UNC5D: variants seen among roughly 807,000 people sequenced by gnomAD.
The protein encoded by UNC5D is unc-5 netrin receptor D.
Under a neutral mutation model 105.4 loss-of-function variants are expected in UNC5D, and 39 were observed. The ratio of observed to expected loss-of-function variants is 0.37; its 90% confidence interval spans 0.29 to 0.48. UNC5D has a LOEUF of 0.48. Ranked by LOEUF, UNC5D falls within the 20% of genes least tolerant of loss-of-function variation. The pLI is 0.98. For synonymous variants in UNC5D, 452 were observed against 450.4 expected (o/e 1.00, Z -0.04); for missense variants, 991 against 1,202.4 (o/e 0.82, Z 2.60).
intron 1 of UNC5D, among the ~76,000 whole-genome samples, chr8:35,244,104 T>C (rs1802950527): frequency 6.6e-6 from 1 of 152,182 alleles, no homozygotes; most frequent in Admixed American, 6.5e-5. Flanking sequence ...CAACTTAACA[T>C]TTTTAGGGGA....
chr8:35,259,493 C>T (rs1402813228), intron 1 of UNC5D, among the ~76,000 whole-genome samples: 2 of 152,142 alleles, frequency 1.3e-5, no homozygotes, highest in Non-Finnish European at 2.9e-5. Flanking sequence ...ATTTTCCAGC[C>T]GTGGACTCCA....
At chr8:35,440,711 G>A (rs940451427) in intron 1 of UNC5D, among the ~76,000 whole-genome samples, 3 of 151,894 alleles carry the variant, frequency 2.0e-5, no homozygotes, top group Non-Finnish European at 4.4e-5. Flanking sequence ...ATATGGAAGC[G>A]CTGTGCAAAT....
intron 1 of UNC5D, among the ~76,000 whole-genome samples, chr8:35,505,752 G>A (rs1051122415): frequency 4.6e-5 from 7 of 152,114 alleles, no homozygotes; most frequent in African/African-American, 1.7e-4. Flanking sequence ...TTTTTAAACC[G>A]AAGCCTATTT....
intron 1 of UNC5D, among the ~76,000 whole-genome samples, chr8:35,530,052 G>A (rs1179560850): frequency 3.3e-5 from 5 of 150,458 alleles, no homozygotes; most frequent in Admixed American, 1.3e-4. Context: ...TCTCCTGCCT[G>A]ATTGCCCTGG....
At chr8:35,667,432 A>G (rs1322820568) in intron 4 of UNC5D, among the ~76,000 whole-genome samples, 1 of 152,196 alleles carries the variant, frequency 6.6e-6, no homozygotes, top group South Asian at 2.1e-4. Flanking sequence ...ATCTCAATAC[A>G]GGAAACTGAC....
chr8:35,578,696 A>G (rs1468212853), intron 3 of UNC5D, among the ~76,000 whole-genome samples: 6 of 152,194 alleles, frequency 3.9e-5, no homozygotes, highest in African/African-American at 1.4e-4. Context: ...AGACAGTGTG[A>G]GCAACACTGA....
rs910640429 is a variant in UNC5D at position 35,750,674 on chromosome 8, T to C, written c.2028T>C (p.Tyr676=). ...CHVLLDSFGT[Y]ALTGEPITDC... Reference sequence around the variant, plus strand: ...TGCTCCTGGACAGCTTTGGGACCTATGCGCTCACTGGAGAGCCAATCACAG... The same window carrying C: ...TGCTCCTGGACAGCTTTGGGACCTACGCGCTCACTGGAGAGCCAATCACAG... Residue 676 remains tyrosine (Y), a synonymous_variant, in exon 13 of 17, where the codon TAT becomes TAC. Transcript: ENST00000404895. 3.7e-6 allele frequency: 6 copies of C among 1,614,182 alleles called. No individual in the cohort carries two copies. In the East Asian group the frequency reaches 1.1e-4, roughly 30 times the overall value.
chr8:35,571,988 A>G (rs1300228924), intron 3 of UNC5D, among the ~76,000 whole-genome samples: 3 of 152,110 alleles, frequency 2.0e-5, no homozygotes, highest in South Asian at 2.1e-4. Context: ...AGAATTACCA[A>G]TTTTAAAACT....
chr8:35,480,761 G>T (rs1485410084), intron 1 of UNC5D, among the ~76,000 whole-genome samples: 2 of 152,134 alleles, frequency 1.3e-5, no homozygotes, highest in African/African-American at 2.4e-5. Context: ...AACAAATCGG[G>T]CAAGATAAAG....
At chr8:35,486,613 T>C (rs2130045470) in intron 1 of UNC5D, among the ~76,000 whole-genome samples, 1 of 152,328 alleles carries the variant, frequency 6.6e-6, no homozygotes, top group East Asian at 1.9e-4. Context: ...AAGCCTGTGC[T>C]AGCCAGACTG....
chr8:35,587,965 AATATATATATATATATAT>A (rs57681405), intron 3 of UNC5D, among the ~76,000 whole-genome samples: 2 of 105,116 alleles, frequency 1.9e-5, no homozygotes, highest in South Asian at 3.9e-4. Flanking sequence ...TAACTATAAT[AATATATATATATATATAT>A]ATATATATAT....
intron 3 of UNC5D, among the ~76,000 whole-genome samples, chr8:35,594,524 A>G (rs1318202670): frequency 1.3e-5 from 2 of 152,144 alleles, no homozygotes; most frequent in Non-Finnish European, 2.9e-5. Context: ...AATCTTTTAC[A>G]TTGAGGAAGA....
At chr8:35,637,627 A>G (rs973270373) in intron 4 of UNC5D, among the ~76,000 whole-genome samples, 1 of 152,220 alleles carries the variant, frequency 6.6e-6, no homozygotes, top group East Asian at 1.9e-4. Flanking sequence ...ACACATGGCC[A>G]TCATATTAAC....
At chr8:35,611,112 T>G (rs1470582854) in intron 4 of UNC5D, among the ~76,000 whole-genome samples, 1 of 152,146 alleles carries the variant, frequency 6.6e-6, no homozygotes, top group Non-Finnish European at 1.5e-5. Flanking sequence ...CTTCCTTCAT[T>G]TTTAAAGCTT....
At chr8:35,290,489 G>A (rs1453780967) in intron 1 of UNC5D, among the ~76,000 whole-genome samples, 1 of 152,032 alleles carries the variant, frequency 6.6e-6, no homozygotes, top group African/African-American at 2.4e-5. Flanking sequence ...GTAGGGGGTT[G>A]GGGAGGGAGG....
chr8:35,364,702 G>C (rs1802020148), intron 1 of UNC5D, among the ~76,000 whole-genome samples: 1 of 152,022 alleles, frequency 6.6e-6, no homozygotes. Flanking sequence ...ATACCTATCA[G>C]TATATATACT....
chr8:35,645,700 A>G (rs1295442778), intron 4 of UNC5D, among the ~76,000 whole-genome samples: 1 of 152,034 alleles, frequency 6.6e-6, no homozygotes, highest in East Asian at 1.9e-4. Flanking sequence ...TTTCAAGTAG[A>G]TATAGGCATT....
At chr8:35,708,154 G>A (rs1334420336) in intron 8 of UNC5D, among the ~76,000 whole-genome samples, 2 of 152,156 alleles carry the variant, frequency 1.3e-5, no homozygotes, top group Non-Finnish European at 2.9e-5. Flanking sequence ...CTTCCATAAG[G>A]CCTGGCAGAT....
chr8:35,724,889 C>T (rs763536221), intron 9 of UNC5D, among the ~76,000 whole-genome samples: 1 of 152,128 alleles, frequency 6.6e-6, no homozygotes, highest in African/African-American at 2.4e-5. Context: ...TGCTAGAAAG[C>T]GCAGCTCCCT....
Sources: allele counts gnomAD v4.1 joint callset (sites outside exome capture counted in the v4.1 genomes callset), GRCh38; gene constraint gnomAD v4.1.1; transcripts MANE v1.5; gene names NCBI Gene and HGNC (gene_info 2026-07-23, HGNC 2026-07-21).